The following TMX2 variants were observed in gnomAD, a reference collection of about 807,000 sequenced individuals.
TMX2 encodes thioredoxin-related transmembrane protein 2.
In TMX2, 20 loss-of-function variants were observed where a neutral mutation model predicts 33.4. That is an observed-to-expected ratio of 0.60 (90% CI 0.42 to 0.87). TMX2 has a LOEUF of 0.87. Among genes scored for constraint, TMX2 ranks in the 40% least tolerant of loss-of-function variants. The pLI is 0.00. For missense variants in TMX2, 340 were observed against 370.7 expected, an observed-to-expected ratio of 0.92 and a Z score of 0.68; for synonymous variants, 166 against 140.7, an observed-to-expected ratio of 1.18 and a Z score of -1.27.
Position 57,732,702 on chromosome 11 carries a change from T to G in TMX2, c.190-4906T>G, listed in dbSNP as rs116180430. Among the ~76,000 whole-genome samples the G allele has an allele frequency of 5.4e-3, 819 of 152,326 alleles. 10 individuals carry two copies. Among genetic ancestry groups the G allele is most frequent in the African/African-American group, 0.019 (784 of 41,564 alleles). On this transcript the variant is annotated intron_variant, in intron 1 of 7. Transcript: ENST00000278422. ...TGATTGGGACTAGGTTCTCAGAGCT[T>G]CTAGATAGCTAAACACAGGAAGGTT...
chr11:57,733,294 C>T (rs1212861263), intron 1 of TMX2, among the ~76,000 whole-genome samples: 5 of 119,308 alleles, frequency 4.2e-5, no homozygotes, highest in African/African-American at 1.3e-4. Flanking sequence ...TCACTCTTGT[C>T]GCCCAGGCTG....
At chr11:57,716,542 G>A (rs1590903001) in intron 1 of TMX2, among the ~76,000 whole-genome samples, 9 of 120,274 alleles carry the variant, frequency 7.5e-5, no homozygotes, top group Non-Finnish European at 1.1e-4. Flanking sequence ...CTCACCTCCC[G>A]GACGGGGCGG....
intron 1 of TMX2, among the ~76,000 whole-genome samples, chr11:57,734,933 A>G (rs898907614): frequency 2.0e-5 from 3 of 151,322 alleles, no homozygotes; most frequent in African/African-American, 7.3e-5. Context: ...CAAGAGATCA[A>G]GACCATCCTG....
chr11:57,713,184 G>A (rs1946744653), intron 1 of TMX2, among the ~76,000 whole-genome samples: 1 of 152,190 alleles, frequency 6.6e-6, no homozygotes. Flanking sequence ...GACAAGGCAA[G>A]TAGTAATATT....
chr11:57,733,899 G>C (rs1049858152), intron 1 of TMX2, among the ~76,000 whole-genome samples: 3 of 152,040 alleles, frequency 2.0e-5, no homozygotes, highest in African/African-American at 4.8e-5. Context: ...GGCTGGGTGC[G>C]GTGGCTCACG....
chr11:57,720,320 T>G (rs1437597493), intron 1 of TMX2, among the ~76,000 whole-genome samples: 3 of 152,242 alleles, frequency 2.0e-5, no homozygotes, highest in African/African-American at 7.2e-5. Flanking sequence ...TATATGTCTA[T>G]ACATGTGTTT....
chr11:57,712,635 C>G lies in TMX2; in HGVS notation c.17C>G (p.Pro6Arg), dbSNP rs772397638. ...GCCGAAAAGATGGCGGTCTTGGCAC[C>G]TCTAATTGCTCTCGTGTATTCGGTG... MAVLA[P>R]LIALVYSVPR... Residue 6 changes from proline to arginine, a missense_variant, in exon 1 of 8, where the codon CCT (proline) becomes CGT (arginine). Coordinates refer to ENST00000278422, the MANE Select transcript of TMX2 (RefSeq NM_015959.4). The G allele has an allele frequency of 1.9e-6, 3 of 1,613,878 alleles. No homozygotes were observed. The highest frequency in any genetic ancestry group is 1.1e-5 in the South Asian group (1 of 91,028).
chr11:57,735,235 G>A (rs1209021884), intron 1 of TMX2, among the ~76,000 whole-genome samples: 1 of 150,354 alleles, frequency 6.7e-6, no homozygotes. Flanking sequence ...TTGAGACGTT[G>A]TTTCACTCTG....
chr11:57,726,466 G>A (rs1947999583), intron 1 of TMX2, among the ~76,000 whole-genome samples: 1 of 150,826 alleles, frequency 6.6e-6, no homozygotes, highest in Non-Finnish European at 1.5e-5. Flanking sequence ...TTTGTTTTTT[G>A]GGTTTATTGT....
chr11:57,722,978 G>A (rs1345210323), intron 1 of TMX2, among the ~76,000 whole-genome samples: 1 of 152,024 alleles, frequency 6.6e-6, no homozygotes, highest in East Asian at 1.9e-4. Flanking sequence ...GGGCGTGGTG[G>A]CGTGTTCCTG....
intron 1 of TMX2, among the ~76,000 whole-genome samples, chr11:57,731,138 T>G (rs1382809726): frequency 2.9e-4 from 41 of 139,278 alleles, no homozygotes; most frequent in South Asian, 1.7e-3. Flanking sequence ...TTTTTTTTTT[T>G]TTTTTTTTTT....
rs1948856081 is a variant in TMX2 at position 57,738,004 on chromosome 11, A to G, written c.342A>G (p.Leu114=). The G allele has an allele frequency of 6.2e-7, 1 of 1,612,598 alleles. No individual in the cohort carries two copies. The highest frequency in any genetic ancestry group is 1.1e-5 in the South Asian group (1 of 91,018). ...LFFRLDIRMG[L]LYITLCIVFL... Reference sequence around the variant, plus strand: ...TCCGCTTGGATATTCGCATGGGCCTACTTTACATCACACTCTGCATAGGTG... The same window carrying G: ...TCCGCTTGGATATTCGCATGGGCCTGCTTTACATCACACTCTGCATAGGTG... The change falls in exon 3 of 8, where the codon CTA becomes CTG. Residue 114 remains leucine (L), a synonymous_variant. Coordinates refer to ENST00000278422, the MANE Select transcript of TMX2 (RefSeq NM_015959.4).
intron 1 of TMX2, among the ~76,000 whole-genome samples, chr11:57,734,609 G>A (rs933182252): frequency 1.3e-5 from 2 of 151,612 alleles, no homozygotes; most frequent in Admixed American, 6.6e-5. Context: ...TTCACCGGGC[G>A]TGGGGGCAGG....
At chr11:57,727,155 A>C (rs779651064) in intron 1 of TMX2, among the ~76,000 whole-genome samples, 4 of 152,050 alleles carry the variant, frequency 2.6e-5, no homozygotes, top group African/African-American at 4.8e-5. Flanking sequence ...AATAGATCTG[A>C]TCCGGGATTT....
At chr11:57,732,427 G>A (rs1243543327) in intron 1 of TMX2, among the ~76,000 whole-genome samples, 1 of 152,016 alleles carries the variant, frequency 6.6e-6, no homozygotes, top group African/African-American at 2.4e-5. Context: ...CTATTTCAGA[G>A]GATCTTTCAT....
At chr11:57,736,214 C>G (rs1948742746) in intron 1 of TMX2, among the ~76,000 whole-genome samples, 1 of 152,088 alleles carries the variant, frequency 6.6e-6, no homozygotes, top group African/African-American at 2.4e-5. Flanking sequence ...GTCTGTCTCA[C>G]TTGCTCACTT....
At chr11:57,723,430 C>A (rs1350292783) in intron 1 of TMX2, among the ~76,000 whole-genome samples, 1 of 150,434 alleles carries the variant, frequency 6.6e-6, no homozygotes, top group African/African-American at 2.4e-5. Context: ...TTGCAGTGAG[C>A]CGGGATTGTG....
intron 1 of TMX2, among the ~76,000 whole-genome samples, chr11:57,736,663 G>A (rs1231084682): frequency 6.6e-6 from 1 of 151,988 alleles, no homozygotes; most frequent in African/African-American, 2.4e-5. Flanking sequence ...CGAGGCGGGC[G>A]GATCATCTGA....
intron 1 of TMX2, among the ~76,000 whole-genome samples, chr11:57,713,128 A>C (rs1286071262): frequency 1.3e-5 from 2 of 152,224 alleles, no homozygotes; most frequent in Non-Finnish European, 2.9e-5. Context: ...ATAACGTTTT[A>C]CAGTGCCGCT....
Sources: allele counts gnomAD v4.1 joint callset (sites outside exome capture counted in the v4.1 genomes callset), GRCh38; gene constraint gnomAD v4.1.1; transcripts MANE v1.5; gene names NCBI Gene and HGNC (gene_info 2026-07-23, HGNC 2026-07-21).